C1QTNF7: variants seen among roughly 807,000 people sequenced by gnomAD.
The protein encoded by C1QTNF7 is C1q and TNF related 7.
C1QTNF7 carries 15 observed loss-of-function variants against 19.6 expected under a neutral mutation model. That is an observed-to-expected ratio of 0.76 (90% CI 0.51 to 1.18). C1QTNF7 has a LOEUF of 1.18. C1QTNF7 is among the 50% of genes most tolerant of loss of function. The pLI is 0.00. For missense variants in C1QTNF7, 324 were observed against 359.7 expected (o/e 0.90, Z 0.80); for synonymous variants, 142 against 137.5 (o/e 1.03, Z -0.23).
chr4:15,414,955 C>A (rs920139963), intron 1 of C1QTNF7, among the ~76,000 whole-genome samples: 2 of 152,192 alleles, frequency 1.3e-5, no homozygotes, highest in African/African-American at 4.8e-5. Context: ...GAGGCCAATG[C>A]CTTGAAACCA....
intron 1 of C1QTNF7, among the ~76,000 whole-genome samples, chr4:15,342,652 C>T (rs952881075): frequency 2.0e-5 from 3 of 152,120 alleles, no homozygotes; most frequent in Non-Finnish European, 4.4e-5. Flanking sequence ...AGGCAGAGGC[C>T]GGCAGGCAAA....
chr4:15,431,104 A>T (rs1453165486), intron 1 of C1QTNF7, among the ~76,000 whole-genome samples: 1 of 145,138 alleles, frequency 6.9e-6, no homozygotes, highest in African/African-American at 2.5e-5. Flanking sequence ...ATAGATAGAT[A>T]GATTCATTGC....
Position 15,352,373 on chromosome 4 carries a change from C to A in C1QTNF7, c.13+12166C>A. On this transcript the variant is annotated intron_variant, in intron 1 of 2. Transcript: ENST00000295297. The stretch of plus-strand genomic sequence containing the variant: ...TAAGTGGCAAAACCAGGATTCAAGC[C>A]TGGGTCTATATGACCCCAAGGCCCA... Among the ~76,000 whole-genome samples the A allele has an allele frequency of 1.3e-5, 2 of 152,116 alleles. 1 individual carries two copies. Among genetic ancestry groups the A allele is most frequent in the Non-Finnish European group, 2.9e-5 (2 of 68,024 alleles).
chr4:15,432,159 A>G (rs1255649842), intron 1 of C1QTNF7, among the ~76,000 whole-genome samples: 1 of 152,186 alleles, frequency 6.6e-6, no homozygotes, highest in Non-Finnish European at 1.5e-5. Flanking sequence ...TGACAATGTG[A>G]GGAGAATAGA....
At chr4:15,415,624 T>TATATATAC (rs1285126134) in intron 1 of C1QTNF7, among the ~76,000 whole-genome samples, 2 of 151,100 alleles carry the variant, frequency 1.3e-5, no homozygotes, top group Admixed American at 6.6e-5. Context: ...TTGATGCATA[T>TATATATAC]ATATATATAT....
intron 1 of C1QTNF7, among the ~76,000 whole-genome samples, chr4:15,403,944 T>C (rs147600119): frequency 1.3e-5 from 2 of 152,352 alleles, no homozygotes; most frequent in East Asian, 3.9e-4. Flanking sequence ...AAAATACTAC[T>C]ATCGATATAT....
At chr4:15,368,580 G>A (rs563860278) in intron 1 of C1QTNF7, among the ~76,000 whole-genome samples, 1 of 152,204 alleles carries the variant, frequency 6.6e-6, no homozygotes, top group Non-Finnish European at 1.5e-5. Context: ...TGAGAATGAT[G>A]GTTTCCAGCT....
At chr4:15,385,799 G>A (rs1339108712) in intron 1 of C1QTNF7, among the ~76,000 whole-genome samples, 1 of 152,172 alleles carries the variant, frequency 6.6e-6, no homozygotes, top group East Asian at 1.9e-4. Flanking sequence ...CAACAAGAGC[G>A]GGCTCGCTTG....
At chr4:15,379,225 G>C (rs1393960916) in intron 1 of C1QTNF7, among the ~76,000 whole-genome samples, 3 of 152,136 alleles carry the variant, frequency 2.0e-5, no homozygotes, top group African/African-American at 7.2e-5. Flanking sequence ...AGAGTAAAGA[G>C]GATGGGATTA....
chr4:15,432,650 C>T (rs1712368215), intron 1 of C1QTNF7, among the ~76,000 whole-genome samples: 1 of 152,206 alleles, frequency 6.6e-6, no homozygotes, highest in African/African-American at 2.4e-5. Context: ...CAACCTTGGC[C>T]ACCCAAAGTG....
intron 1 of C1QTNF7, among the ~76,000 whole-genome samples, chr4:15,392,375 G>T (rs551980765): frequency 6.6e-6 from 1 of 152,108 alleles, no homozygotes; most frequent in Admixed American, 6.5e-5. Flanking sequence ...GCAGAACCAA[G>T]GTACACACAC....
intron 1 of C1QTNF7, among the ~76,000 whole-genome samples, chr4:15,391,774 G>A (rs536126645): frequency 6.6e-6 from 1 of 152,306 alleles, no homozygotes; most frequent in South Asian, 2.1e-4. Flanking sequence ...TATGATGAAA[G>A]CTTTATCAAT....
upstream of C1QTNF7, among the ~76,000 whole-genome samples, chr4:15,423,822 TCCC>T (rs373811044): frequency 6.6e-6 from 1 of 152,066 alleles, no homozygotes; most frequent in Non-Finnish European, 1.5e-5. Flanking sequence ...GCCTACCGTT[TCCC>T]CCCCTTTTAG....
intron 1 of C1QTNF7, among the ~76,000 whole-genome samples, chr4:15,369,261 A>G (rs1331843680): frequency 1.3e-5 from 2 of 152,208 alleles, no homozygotes; most frequent in African/African-American, 4.8e-5. Flanking sequence ...ACAGCCCAGA[A>G]TTAGGGAGAG....
chr4:15,438,240 A>T (rs114277009), intron 2 of C1QTNF7, among the ~76,000 whole-genome samples: 4,759 of 152,336 alleles, frequency 0.031, 104 homozygotes, highest in South Asian at 0.058. Context: ...AATACAATAT[A>T]CACACATAGG....
At chr4:15,380,275 CAGG>C (rs1398126716) in intron 1 of C1QTNF7, among the ~76,000 whole-genome samples, 1 of 152,182 alleles carries the variant, frequency 6.6e-6, no homozygotes, top group African/African-American at 2.4e-5. Context: ...CTTTATTATG[CAGG>C]AGGTTTATTT....
At chr4:15,412,721 A>C (rs12233742) in intron 1 of C1QTNF7, among the ~76,000 whole-genome samples, 1 of 152,034 alleles carries the variant, frequency 6.6e-6, no homozygotes, top group African/African-American at 2.4e-5. Context: ...GCAGCTCACC[A>C]CACCTGGAAA....
At chr4:15,380,842 GGAGAATCGCTTGAACCT>G (rs1560348994) in intron 1 of C1QTNF7, among the ~76,000 whole-genome samples, 2 of 152,082 alleles carry the variant, frequency 1.3e-5, no homozygotes, top group Non-Finnish European at 2.9e-5. Context: ...GGCTGAGGCA[GGAGAATCGCTTGAACCT>G]GGTGGGTGGA....
intron 1 of C1QTNF7, among the ~76,000 whole-genome samples, chr4:15,363,666 C>A (rs1717418024): frequency 6.6e-6 from 1 of 152,104 alleles, no homozygotes; most frequent in Admixed American, 6.6e-5. Flanking sequence ...ACATTGCCTC[C>A]CCAGACAAAT....
Sources: allele counts gnomAD v4.1 joint callset (sites outside exome capture counted in the v4.1 genomes callset), GRCh38; gene constraint gnomAD v4.1.1; transcripts MANE v1.5; gene names NCBI Gene and HGNC (gene_info 2026-07-23, HGNC 2026-07-21).